Variants in NPAS3 observed in about 807,000 individuals in gnomAD.
The protein encoded by NPAS3 is neuronal PAS domain-containing protein 3.
In NPAS3, 14 loss-of-function variants were observed where a neutral mutation model predicts 73.1. The ratio of observed to expected loss-of-function variants is 0.19; its 90% CI spans 0.13 to 0.30. The LOEUF (loss-of-function observed/expected upper bound fraction) is 0.30, where lower values mean the gene tolerates loss of function less well. Among genes scored for constraint, NPAS3 ranks in the 10% least tolerant of loss-of-function variants. NPAS3 has a pLI of 1.00. For missense variants in NPAS3, 1,096 were observed against 1,250.0 expected, an observed-to-expected ratio of 0.88 and a Z score of 1.86; for synonymous variants, 620 against 541.5, an observed-to-expected ratio of 1.14 and a Z score of -2.01.
At chr14:33,802,399 A>T (rs944560486), downstream of NPAS3, 1 of 151,528 alleles carries the variant, frequency 6.6e-6, no homozygotes. Context: ...AAAGAAAAAA[A>T]AAAGAAAAAG....
chr14:33,394,060 CTCT>C (rs1303799464), intron 4 of NPAS3, among the ~76,000 whole-genome samples: 3 of 152,088 alleles, frequency 2.0e-5, no homozygotes, highest in African/African-American at 7.2e-5. Context: ...ATTTTATGGC[CTCT>C]TCTTTAAACA....
At chr14:33,531,302 C>T (rs1595096513) in intron 4 of NPAS3, among the ~76,000 whole-genome samples, 1 of 152,240 alleles carries the variant, frequency 6.6e-6, no homozygotes, top group Non-Finnish European at 1.5e-5. Context: ...CCATCACAAT[C>T]TACATACAGA....
intron 4 of NPAS3, among the ~76,000 whole-genome samples, chr14:33,384,482 C>T (rs2046692886): frequency 6.6e-6 from 1 of 151,496 alleles, no homozygotes; most frequent in Non-Finnish European, 1.5e-5. Context: ...GTAATCCTAG[C>T]AGTTTGGGAA....
intron 6 of NPAS3, among the ~76,000 whole-genome samples, chr14:33,727,149 A>G (rs2061289703): frequency 1.3e-5 from 2 of 152,328 alleles, no homozygotes; most frequent in South Asian, 4.2e-4. Flanking sequence ...ATTTGGCCAG[A>G]ATGTTAAAAA....
chr14:33,496,929 G>A (rs753159387), intron 4 of NPAS3, among the ~76,000 whole-genome samples: 2 of 152,124 alleles, frequency 1.3e-5, no homozygotes, highest in Non-Finnish European at 2.9e-5. Flanking sequence ...CAGATGACAT[G>A]ATTGTATAGT....
chr14:32,977,337 C>T (rs1364877036), intron 1 of NPAS3, among the ~76,000 whole-genome samples: 4 of 138,066 alleles, frequency 2.9e-5, no homozygotes, highest in Admixed American at 7.3e-5. Context: ...TACCTTTCTA[C>T]GAGTTTTGTC....
At chr14:33,066,332 T>C (rs552764462) in intron 2 of NPAS3, among the ~76,000 whole-genome samples, 2 of 152,182 alleles carry the variant, frequency 1.3e-5, no homozygotes, top group Non-Finnish European at 2.9e-5. Flanking sequence ...CTTGTAAAAT[T>C]CATGGTCAAT....
intron 3 of NPAS3, among the ~76,000 whole-genome samples, chr14:33,281,496 G>T (rs2041606499): frequency 6.6e-6 from 1 of 152,096 alleles, no homozygotes; most frequent in Non-Finnish European, 1.5e-5. Context: ...GCCGGGCGTG[G>T]TGGTGCATGT....
chr14:33,569,859 G>A (rs1240840111), intron 5 of NPAS3, among the ~76,000 whole-genome samples: 2 of 152,106 alleles, frequency 1.3e-5, no homozygotes, highest in Admixed American at 6.5e-5. Flanking sequence ...CAGGGGAGAC[G>A]CAGAAATATT....
intron 3 of NPAS3, among the ~76,000 whole-genome samples, chr14:33,360,401 G>A (rs796984392): frequency 4.6e-5 from 7 of 152,120 alleles, no homozygotes; most frequent in African/African-American, 1.7e-4. Flanking sequence ...TATCTCTGCT[G>A]GGAATTTAAA....
rs777136450 is a variant in NPAS3, at chr14:32,994,630, G to GTTTTTTTT, written c.50+55269_50+55270insTTTTTTTT. Among the ~76,000 whole-genome samples, 637 of 123,446 alleles carry GTTTTTTTT rather than the reference G, an allele frequency of 5.2e-3. 16 individuals are homozygous for GTTTTTTTT. The highest frequency in any genetic ancestry group is 0.011 in the African/African-American group (300 of 27,878). The allele number at this position is 123,446 out of a possible 152,430, so 81.0% of individuals were successfully genotyped here. A position where few individuals can be genotyped will look rare whatever the true frequency, so the allele number is the denominator to read the frequency against. On this transcript the variant is annotated intron_variant, in intron 1 of 11. Transcript: ENST00000356141. ...ATTCTAGTTTTTTGTTTGTTTGTTT[G>GTTTTTTTT]TTTTTGTTTTTTTTTTTTTGAGACA... is the stretch of plus-strand genomic sequence containing the variant.
chr14:33,378,653 T>TA (rs2046409274), intron 4 of NPAS3, among the ~76,000 whole-genome samples: 2 of 151,928 alleles, frequency 1.3e-5, no homozygotes, highest in South Asian at 4.1e-4. Context: ...ATAAATAAAA[T>TA]AAAAAATAAA....
intron 3 of NPAS3, among the ~76,000 whole-genome samples, chr14:33,364,832 A>G (rs2045764992): frequency 6.6e-6 from 1 of 151,526 alleles, no homozygotes; most frequent in Non-Finnish European, 1.5e-5. Context: ...GCATTTGAGC[A>G]GCTTTATGTT....
chr14:33,146,944 T>C (rs996711187), intron 2 of NPAS3, among the ~76,000 whole-genome samples: 5 of 152,256 alleles, frequency 3.3e-5, no homozygotes, highest in Non-Finnish European at 5.9e-5. Flanking sequence ...GGACTTGATA[T>C]TTCAAGGAAC....
intron 7 of NPAS3, among the ~76,000 whole-genome samples, chr14:33,754,343 G>A (rs1215154788): frequency 6.6e-6 from 1 of 152,122 alleles, no homozygotes; most frequent in Non-Finnish European, 1.5e-5. Flanking sequence ...GCCAAGAGGA[G>A]GGAGGAGAGG....
At chr14:33,138,850 G>A (rs908581627) in intron 2 of NPAS3, among the ~76,000 whole-genome samples, 2 of 152,194 alleles carry the variant, frequency 1.3e-5, no homozygotes, top group African/African-American at 4.8e-5. Context: ...TGACTTCAAG[G>A]TACTTGGACA....
At chr14:33,326,657 G>A (rs1045075551) in intron 3 of NPAS3, among the ~76,000 whole-genome samples, 4 of 152,312 alleles carry the variant, frequency 2.6e-5, no homozygotes, top group South Asian at 2.1e-4. Context: ...TTAGAGAGAA[G>A]TGGTCAAAAC....
At chr14:33,731,907 C>T (rs1328559903) in intron 6 of NPAS3, among the ~76,000 whole-genome samples, 1 of 148,636 alleles carries the variant, frequency 6.7e-6, no homozygotes, top group Non-Finnish European at 1.5e-5. Context: ...TTTTCAGCTC[C>T]TAGTTTATAA....
chr14:33,037,068 C>T (rs1309355003), intron 1 of NPAS3, among the ~76,000 whole-genome samples: 5 of 152,112 alleles, frequency 3.3e-5, no homozygotes, highest in Admixed American at 3.3e-4. Context: ...TAGATACCAT[C>T]ACTCTTGATT....
Sources: allele counts gnomAD v4.1 joint callset (sites outside exome capture counted in the v4.1 genomes callset), GRCh38; gene constraint gnomAD v4.1.1; transcripts MANE v1.5; gene names NCBI Gene and HGNC (gene_info 2026-07-23, HGNC 2026-07-21).